Variants in ARL8B observed in about 807,000 individuals in gnomAD.
ARL8B encodes ADP-ribosylation factor-like protein 8B.
In ARL8B, 9 loss-of-function variants were observed where a neutral mutation model predicts 30.6. That is an observed-to-expected ratio of 0.29 (90% CI 0.18 to 0.51). ARL8B has a LOEUF of 0.51. ARL8B is among the 20% of genes least tolerant of loss of function. The pLI is 0.97. For synonymous variants in ARL8B, 74 were observed against 76.0 expected, an observed-to-expected ratio of 0.97 and a Z score of 0.14; for missense variants, 130 against 227.2, an observed-to-expected ratio of 0.57 and a Z score of 2.75.
At chr3:5,155,906 GTTGTTT>G (rs1213477704) in intron 1 of ARL8B, among the ~76,000 whole-genome samples, 2 of 148,396 alleles carry the variant, frequency 1.3e-5, no homozygotes, top group African/African-American at 5.0e-5. Flanking sequence ...GTGTGTGTGT[GTTGTTT>G]TTGTTTTTGA....
chr3:5,180,487 C>T lies in ARL8B; in HGVS notation c.*1774C>T, dbSNP rs1297815903. 1 of 152,522 alleles carries T rather than the reference C, an allele frequency of 6.6e-6. No individual in the cohort carries two copies. The highest frequency in any genetic ancestry group is 1.5e-5 in the Non-Finnish European group (1 of 68,050). The allele number at this position is 152,522 out of a possible 1,614,324, so 9.4% of individuals were successfully genotyped here. ...GAGGAATTGGAACTAGAATGTGTGA[C>T]TCTGTGGGGACTGCATAGGTTTGTT... On this transcript the variant is annotated 3_prime_UTR_variant, in exon 7 of 7. Coordinates refer to ENST00000256496, the MANE Select transcript of ARL8B (RefSeq NM_018184.3).
intron 1 of ARL8B, among the ~76,000 whole-genome samples, chr3:5,168,348 A>G (rs6789493): frequency 0.24 from 36,918 of 152,210 alleles, 4,986 homozygotes; most frequent in African/African-American, 0.34. Context: ...TGGAATTACA[A>G]GCTTGAGCCA....
chr3:5,145,555 G>T (rs960571108), intron 1 of ARL8B, among the ~76,000 whole-genome samples: 3 of 152,140 alleles, frequency 2.0e-5, no homozygotes, highest in Admixed American at 6.5e-5. Flanking sequence ...AGTGAGCACC[G>T]CAAGGGGCAT....
intron 1 of ARL8B, among the ~76,000 whole-genome samples, chr3:5,145,692 G>A (rs183543449): frequency 6.6e-6 from 1 of 152,280 alleles, no homozygotes. Flanking sequence ...ACCATTGCAA[G>A]GAATCAGGTT....
chr3:5,127,626 G>A (rs1264134711), intron 1 of ARL8B, among the ~76,000 whole-genome samples: 2 of 152,124 alleles, frequency 1.3e-5, no homozygotes, highest in African/African-American at 4.8e-5. Context: ...GCATTACTGA[G>A]TTGTTGAACT....
At chr3:5,170,050 C>G (rs553261775) in intron 1 of ARL8B, among the ~76,000 whole-genome samples, 1 of 152,158 alleles carries the variant, frequency 6.6e-6, no homozygotes, top group Non-Finnish European at 1.5e-5. Context: ...GGAAAAACTT[C>G]TGTATGACAA....
intron 1 of ARL8B, among the ~76,000 whole-genome samples, chr3:5,131,460 G>T (rs934468023): frequency 8.0e-5 from 12 of 150,776 alleles, no homozygotes; most frequent in African/African-American, 2.2e-4. Flanking sequence ...GCGCGATCTC[G>T]GCTCACTGCA....
rs536562166 is a variant in ARL8B at position 5,175,868 on chromosome 3, C to A, written c.511+1454C>A. 6.6e-5 allele frequency among the ~76,000 whole-genome samples: 10 copies of A among 152,294 alleles called. No homozygotes were observed. The South Asian group carries it at 1.9e-3, about 28-fold the overall frequency. On this transcript the variant is annotated intron_variant, in intron 6 of 6. Transcript: ENST00000256496. ...AGTGTATTATGTTTTCCTAAGGACG[C>A]AAGTCACTGGATTAGGTAGGGCCCA...
chr3:5,133,956 C>T (rs1027693210), intron 1 of ARL8B, among the ~76,000 whole-genome samples: 1 of 151,794 alleles, frequency 6.6e-6, no homozygotes, highest in Admixed American at 6.6e-5. Context: ...ACAGCACACC[C>T]CACACCCCTG....
At chr3:5,160,491 T>G (rs1264776107) in intron 1 of ARL8B, among the ~76,000 whole-genome samples, 3 of 152,240 alleles carry the variant, frequency 2.0e-5, no homozygotes, top group Non-Finnish European at 4.4e-5. Flanking sequence ...GTTTTCAGGC[T>G]CCTAATTGAA....
intron 1 of ARL8B, among the ~76,000 whole-genome samples, chr3:5,161,425 G>C (rs767986637): frequency 3.9e-5 from 6 of 152,166 alleles, no homozygotes; most frequent in Non-Finnish European, 8.8e-5. Context: ...TGTTTGAGTG[G>C]TTTGCAAAAA....
At chr3:5,125,278 G>A (rs894143758) in intron 1 of ARL8B, among the ~76,000 whole-genome samples, 3 of 152,164 alleles carry the variant, frequency 2.0e-5, no homozygotes, top group African/African-American at 7.2e-5. Context: ...GTTGTTATTT[G>A]TAATTGGGCG....
intron 2 of ARL8B, chr3:5,170,982 C>T (rs112246511): frequency 2.8e-4 from 43 of 154,698 alleles, no homozygotes; most frequent in South Asian, 9.8e-4. Flanking sequence ...CTGCCTGCTA[C>T]GGCCTCCCCA....
At chr3:5,148,608 G>C (rs576256937) in intron 1 of ARL8B, among the ~76,000 whole-genome samples, 14 of 152,166 alleles carry the variant, frequency 9.2e-5, no homozygotes, top group Admixed American at 8.5e-4. Context: ...CTTTGAGGGG[G>C]AACATGGGAG....
intron 1 of ARL8B, among the ~76,000 whole-genome samples, chr3:5,131,200 C>T (rs771210264): frequency 2.6e-5 from 4 of 151,972 alleles, no homozygotes; most frequent in African/African-American, 4.8e-5. Context: ...CCACCGTGCC[C>T]GGCCACCATT....
At chr3:5,135,376 G>C (rs1427756443) in intron 1 of ARL8B, among the ~76,000 whole-genome samples, 7 of 151,472 alleles carry the variant, frequency 4.6e-5, no homozygotes, top group Middle Eastern at 3.4e-3. Flanking sequence ...TGCCTTCTGG[G>C]TTCAAATAAT....
intron 1 of ARL8B, among the ~76,000 whole-genome samples, chr3:5,156,505 C>T (rs758312260): frequency 5.3e-5 from 8 of 152,150 alleles, no homozygotes; most frequent in Non-Finnish European, 7.3e-5. Context: ...CAACCTCTGC[C>T]TCCCAAGTTC....
intron 3 of ARL8B, 138 bp downstream of exon 3, chr3:5,172,361 C>T: frequency 3.9e-6 from 3 of 769,132 alleles, no homozygotes; most frequent in South Asian, 3.8e-5. Context: ...TAGTGTAATT[C>T]CCAACATGGG....
At chr3:5,176,137 C>T (rs920463599) in intron 6 of ARL8B, among the ~76,000 whole-genome samples, 11 of 152,262 alleles carry the variant, frequency 7.2e-5, no homozygotes, top group Admixed American at 3.3e-4. Context: ...AATAGTATAT[C>T]TATAAAGTTT....
Sources: allele counts gnomAD v4.1 joint callset (sites outside exome capture counted in the v4.1 genomes callset), GRCh38; gene constraint gnomAD v4.1.1; transcripts MANE v1.5; gene names NCBI Gene and HGNC (gene_info 2026-07-23, HGNC 2026-07-21).